Variants in TXNDC16 observed in about 807,000 individuals in gnomAD.
TXNDC16 encodes thioredoxin domain containing 16.
A neutral mutation model predicts 85.6 loss-of-function variants in TXNDC16; 74 were observed. The observed-to-expected ratio is 0.86, with a 90% CI of 0.72 to 1.05. TXNDC16 has a LOEUF of 1.05. Ranked by LOEUF, TXNDC16 falls within the 50% of genes least tolerant of loss-of-function variation. TXNDC16 has a pLI of 0.00. For missense variants in TXNDC16, 959 were observed against 947.0 expected, an observed-to-expected ratio of 1.01 and a Z score of -0.17; for synonymous variants, 335 against 326.5, an observed-to-expected ratio of 1.03 and a Z score of -0.28.
At chr14:52,432,975 C>T (rs1477291471) in intron 20 of TXNDC16, among the ~76,000 whole-genome samples, 1 of 152,054 alleles carries the variant, frequency 6.6e-6, no homozygotes, top group Admixed American at 6.5e-5. Context: ...CTCTCTACTG[C>T]CAAAGAAATG....
intron 4 of TXNDC16, among the ~76,000 whole-genome samples, chr14:52,539,393 C>T (rs1456069725): frequency 6.6e-6 from 1 of 152,140 alleles, no homozygotes; most frequent in Non-Finnish European, 1.5e-5. Flanking sequence ...GTTCAAATAA[C>T]AGAAAGATGA....
At chr14:52,493,193 C>CTCTATATATATA (rs2036447610) in intron 9 of TXNDC16, among the ~76,000 whole-genome samples, 1 of 126,132 alleles carries the variant, frequency 7.9e-6, no homozygotes, top group African/African-American at 3.3e-5. Context: ...TGTCACTGTT[C>CTCTATATATATA]TATATATATA....
intron 6 of TXNDC16, among the ~76,000 whole-genome samples, chr14:52,526,368 A>G (rs2037335399): frequency 6.6e-6 from 1 of 152,148 alleles, no homozygotes; most frequent in African/African-American, 2.4e-5. Context: ...ATTCCTATCA[A>G]CCAATATGTT....
intron 14 of TXNDC16, among the ~76,000 whole-genome samples, chr14:52,480,979 A>G (rs75606493): frequency 0.22 from 16,527 of 74,936 alleles, 1,007 homozygotes; most frequent in Admixed American, 0.23. Context: ...ATATATGTAT[A>G]TATATATATA....
intron 14 of TXNDC16, among the ~76,000 whole-genome samples, chr14:52,481,859 A>G (rs1007824153): frequency 1.3e-5 from 2 of 152,178 alleles, no homozygotes; most frequent in Non-Finnish European, 2.9e-5. Context: ...TCATTAGACC[A>G]TGAGACTGGG....
chr14:52,497,063 G>C (rs1201010069), intron 9 of TXNDC16, among the ~76,000 whole-genome samples: 1 of 151,982 alleles, frequency 6.6e-6, no homozygotes. Context: ...AGATATAAAA[G>C]TGACAGAAAC....
At chr14:52,482,410 C>G in intron 13 of TXNDC16, 121 bp from the exon 14 acceptor site, 1 of 821,710 alleles carries the variant, frequency 1.2e-6, no homozygotes, top group South Asian at 1.8e-5. Context: ...CAGAAATATT[C>G]TACTATACAT....
chr14:52,499,363 A>G (rs970394827), intron 9 of TXNDC16, among the ~76,000 whole-genome samples: 13 of 152,178 alleles, frequency 8.5e-5, no homozygotes, highest in African/African-American at 3.1e-4. Context: ...ATGAGAGAAA[A>G]TGTCTGCAAA....
chr14:52,493,113 T>A (rs1011429922), intron 9 of TXNDC16, among the ~76,000 whole-genome samples: 18 of 149,100 alleles, frequency 1.2e-4, no homozygotes, highest in African/African-American at 2.2e-4. Flanking sequence ...CTGTCTCTAT[T>A]TTTTTTTTAA....
chr14:52,513,345 C>A (rs1020275435), intron 8 of TXNDC16, among the ~76,000 whole-genome samples: 1 of 152,066 alleles, frequency 6.6e-6, no homozygotes, highest in Non-Finnish European at 1.5e-5. Context: ...CACCTCACTC[C>A]TATTAGGAGA....
intron 18 of TXNDC16, among the ~76,000 whole-genome samples, chr14:52,448,922 C>T (rs1332812127): frequency 2.6e-5 from 4 of 151,890 alleles, no homozygotes; most frequent in Admixed American, 2.6e-4. Context: ...TATTTACAAG[C>T]ATCATGGTAA....
Position 52,472,293 on chromosome 14 carries a change from G to C in TXNDC16, c.1313-1613C>G, listed in dbSNP as rs117412156. On this transcript the variant is annotated intron_variant, in intron 14 of 20. Transcript: ENST00000281741. The stretch of plus-strand genomic sequence containing the variant: ...GCTCACTGCAACCTTCCTCTCCCGA[G>C]TTCAGGCGATTCTCCTGCCTCAGCC... 2.7e-4 allele frequency among the ~76,000 whole-genome samples: 41 copies of C among 151,918 alleles called. No homozygotes were observed. The East Asian group carries it at 7.6e-3, about 28-fold the overall frequency.
intron 20 of TXNDC16, among the ~76,000 whole-genome samples, chr14:52,433,652 T>C (rs1315504034): frequency 6.6e-6 from 1 of 152,204 alleles, no homozygotes; most frequent in Non-Finnish European, 1.5e-5. Context: ...ACTTTGCTTA[T>C]TGATATATAA....
At chr14:52,529,498 A>ATAT (rs35603290) in intron 6 of TXNDC16, among the ~76,000 whole-genome samples, 24,488 of 72,714 alleles carry the variant, frequency 0.34, 6,532 homozygotes, top group East Asian at 0.64. Context: ...TACCTACTAT[A>ATAT]TATTATATAT....
chr14:52,539,216 AT>A (rs2140225571), intron 4 of TXNDC16, among the ~76,000 whole-genome samples: 1 of 152,342 alleles, frequency 6.6e-6, no homozygotes, highest in South Asian at 2.1e-4. Flanking sequence ...GTGATAGGGC[AT>A]TTTAGAGAGG....
At chr14:52,486,529 C>T (rs1021462033) in intron 12 of TXNDC16, among the ~76,000 whole-genome samples, 24 of 151,898 alleles carry the variant, frequency 1.6e-4, no homozygotes, top group Non-Finnish European at 3.1e-4. Flanking sequence ...TTTCAGATTG[C>T]CCTTCTGTGG....
chr14:52,537,769 G>T (rs1297793459), intron 4 of TXNDC16, 97 bp from the exon 5 acceptor site: 42 of 709,802 alleles, frequency 5.9e-5, no homozygotes, highest in South Asian at 1.7e-4. Context: ...ACAGTTTGTT[G>T]CAGGTCAAAT....
At chr14:52,517,573 GA>G (rs1488405787) in intron 7 of TXNDC16, among the ~76,000 whole-genome samples, 1 of 151,908 alleles carries the variant, frequency 6.6e-6, no homozygotes, top group Non-Finnish European at 1.5e-5. Context: ...TGGCTGAATG[GA>G]TGTCCGCATT....
At chr14:52,527,396 G>C (rs2037361953) in intron 6 of TXNDC16, among the ~76,000 whole-genome samples, 1 of 152,180 alleles carries the variant, frequency 6.6e-6, no homozygotes, top group Non-Finnish European at 1.5e-5. Context: ...GGTCACAGAA[G>C]TATTCTACGT....
Sources: allele counts gnomAD v4.1 joint callset (sites outside exome capture counted in the v4.1 genomes callset), GRCh38; gene constraint gnomAD v4.1.1; transcripts MANE v1.5; gene names NCBI Gene and HGNC (gene_info 2026-07-23, HGNC 2026-07-21).